TAFA2: variants seen among roughly 807,000 people sequenced by gnomAD.
TAFA2 encodes the protein chemokine-like protein TAFA-2.
A neutral mutation model predicts 18.8 loss-of-function variants in TAFA2; 7 were observed. The observed-to-expected ratio is 0.37, with a 90% confidence interval of 0.21 to 0.70. TAFA2 has a LOEUF of 0.70. Ranked by LOEUF, TAFA2 falls within the 30% of genes least tolerant of loss-of-function variation. The pLI is 0.53. For synonymous variants in TAFA2, 60 were observed against 54.2 expected (o/e 1.11, Z -0.47); for missense variants, 122 against 158.1 (o/e 0.77, Z 1.23).
At chr12:61,954,928 A>T (rs971121624) in intron 1 of TAFA2, among the ~76,000 whole-genome samples, 4 of 152,130 alleles carry the variant, frequency 2.6e-5, no homozygotes, top group Non-Finnish European at 5.9e-5. Context: ...AACAGAAAAG[A>T]TTTATTAACC....
intron 1 of TAFA2, among the ~76,000 whole-genome samples, chr12:62,167,404 G>C (rs1341940066): frequency 6.6e-6 from 1 of 152,242 alleles, no homozygotes; most frequent in African/African-American, 2.4e-5. Context: ...CTAATGTTAC[G>C]TGCTTTTAGT....
chr12:62,121,973 GA>G (rs1870217373), intron 1 of TAFA2, among the ~76,000 whole-genome samples: 1 of 152,148 alleles, frequency 6.6e-6, no homozygotes. Context: ...CACAGGAACA[GA>G]AAACCAACTA....
chr12:62,248,253 G>A (rs1025433555), intron 1 of TAFA2, among the ~76,000 whole-genome samples: 3 of 152,182 alleles, frequency 2.0e-5, no homozygotes, highest in Admixed American at 2.0e-4. Flanking sequence ...CCCTTAGTTT[G>A]AGCCACTCCA....
At chr12:61,805,759 A>G (rs1871585917) in intron 2 of TAFA2, among the ~76,000 whole-genome samples, 1 of 152,202 alleles carries the variant, frequency 6.6e-6, no homozygotes, top group Non-Finnish European at 1.5e-5. Flanking sequence ...GAATATAGAG[A>G]TATCAATAAC....
intron 1 of TAFA2, among the ~76,000 whole-genome samples, chr12:61,875,815 T>TACAG: frequency 6.6e-6 from 1 of 151,634 alleles, no homozygotes; most frequent in Non-Finnish European, 1.5e-5. Flanking sequence ...ACACTATGAA[T>TACAG]TGAAACAGGT....
intron 1 of TAFA2, among the ~76,000 whole-genome samples, chr12:62,014,904 A>C (rs1047748643): frequency 6.6e-6 from 1 of 150,948 alleles, no homozygotes; most frequent in African/African-American, 2.4e-5. Flanking sequence ...GGCAACCTCC[A>C]AAAAAAAAGC....
At chr12:62,122,936 C>A (rs146460208) in intron 1 of TAFA2, among the ~76,000 whole-genome samples, 57 of 152,096 alleles carry the variant, frequency 3.7e-4, no homozygotes, top group African/African-American at 1.4e-3. Flanking sequence ...CATGGAGAAC[C>A]CTCTTCTCTC....
chr12:61,756,258 G>T (rs1869263092), intron 2 of TAFA2, among the ~76,000 whole-genome samples: 1 of 151,986 alleles, frequency 6.6e-6, no homozygotes, highest in African/African-American at 2.4e-5. Flanking sequence ...ATCCTCAATA[G>T]AACCTTCAAG....
At chr12:61,963,885 A>C (rs966346938) in intron 1 of TAFA2, among the ~76,000 whole-genome samples, 4 of 152,084 alleles carry the variant, frequency 2.6e-5, no homozygotes, top group African/African-American at 9.7e-5. Context: ...ACAGATATAT[A>C]GACCAATGGA....
intron 1 of TAFA2, among the ~76,000 whole-genome samples, chr12:62,076,645 T>C (rs1377379730): frequency 1.3e-5 from 2 of 152,204 alleles, no homozygotes; most frequent in Non-Finnish European, 2.9e-5. Flanking sequence ...TGTCTCATGG[T>C]GTATTTAAAC....
intron 1 of TAFA2, among the ~76,000 whole-genome samples, chr12:62,046,900 A>C (rs1005004333): frequency 5.9e-5 from 9 of 151,942 alleles, no homozygotes; most frequent in African/African-American, 1.9e-4. Context: ...TTTTATTATT[A>C]TTTTTTATCT....
intron 1 of TAFA2, among the ~76,000 whole-genome samples, chr12:62,246,239 GCCTCCCAA>G (rs2062885678): frequency 6.6e-6 from 1 of 152,140 alleles, no homozygotes; most frequent in Non-Finnish European, 1.5e-5. Context: ...GCCCGCCTGG[GCCTCCCAA>G]AGTGCTGGGA....
At chr12:62,027,530 G>C (rs2136740585) in intron 1 of TAFA2, among the ~76,000 whole-genome samples, 1 of 152,184 alleles carries the variant, frequency 6.6e-6, no homozygotes, top group South Asian at 2.1e-4. Flanking sequence ...ATTAAAATTT[G>C]TGTAGCACCT....
intron 1 of TAFA2, chr12:61,879,754 C>A: frequency 7.5e-7 from 1 of 1,334,196 alleles, no homozygotes; most frequent in Non-Finnish European, 1.1e-6. Context: ...AGAGCTACAT[C>A]AACAACCTTA....
intron 1 of TAFA2, among the ~76,000 whole-genome samples, chr12:62,228,336 G>C (rs933594112): frequency 3.3e-5 from 5 of 152,144 alleles, no homozygotes; most frequent in Admixed American, 1.3e-4. Flanking sequence ...GAATAGTGCT[G>C]TGATAAATAT....
chr12:61,997,409 TAC>T, intron 1 of TAFA2, among the ~76,000 whole-genome samples: 1 of 152,000 alleles, frequency 6.6e-6, no homozygotes, highest in Admixed American at 6.6e-5. Flanking sequence ...ATGAGCTTGG[TAC>T]AGTCAAGGAA....
At chr12:61,951,947 G>A (rs997171847) in intron 1 of TAFA2, among the ~76,000 whole-genome samples, 1 of 151,718 alleles carries the variant, frequency 6.6e-6, no homozygotes, top group East Asian at 1.9e-4. Context: ...AAAACACGAA[G>A]CATTTTAAAC....
chr12:62,218,137 A>T (rs1369102515), intron 1 of TAFA2, among the ~76,000 whole-genome samples: 3 of 151,912 alleles, frequency 2.0e-5, no homozygotes, highest in Non-Finnish European at 4.4e-5. Flanking sequence ...CTGGGACTAC[A>T]GGCACGCACC....
chr12:61,924,699 A>G (rs1235245205), intron 1 of TAFA2, among the ~76,000 whole-genome samples: 4 of 152,230 alleles, frequency 2.6e-5, no homozygotes, highest in African/African-American at 9.6e-5. Context: ...TAAAATAACC[A>G]GCTACCATCA....
Sources: gnomAD v4.1 joint callset for allele counts (sites outside exome capture counted in the v4.1 genomes callset) on GRCh38, gnomAD v4.1.1 for gene constraint, MANE v1.5 for transcripts, NCBI Gene and HGNC (gene_info 2026-07-23, HGNC 2026-07-21) for gene names.